Variants in ENOX1 observed in about 807,000 individuals in gnomAD.
ENOX1 encodes candidate growth-related and time keeping constitutive hydroquinone (NADH) oxidase.
Under a neutral mutation model 82.5 loss-of-function variants are expected in ENOX1, and 42 were observed. The ratio of observed to expected loss-of-function variants is 0.51; its 90% CI spans 0.40 to 0.66. ENOX1 has a LOEUF of 0.66. ENOX1 is among the 30% of genes least tolerant of loss of function. The probability of loss-of-function intolerance (pLI) is 0.00; values close to 1 mark genes in which losing one functional copy is unlikely to be tolerated. For missense variants in ENOX1, 608 were observed against 811.6 expected (o/e 0.75, Z 3.05); for synonymous variants, 271 against 282.2 (o/e 0.96, Z 0.40).
chr13:43,589,554 A>G (rs905501666), intron 2 of ENOX1, among the ~76,000 whole-genome samples: 6 of 152,292 alleles, frequency 3.9e-5, no homozygotes, highest in African/African-American at 1.4e-4. Flanking sequence ...CACCCAGGCT[A>G]AATTGCAATG....
At chr13:43,776,299 T>C (rs1951914449) in intron 1 of ENOX1, among the ~76,000 whole-genome samples, 1 of 152,240 alleles carries the variant, frequency 6.6e-6, no homozygotes, top group South Asian at 2.1e-4. Context: ...ATTGCCAAGT[T>C]GACAAACATG....
chr13:43,771,860 G>A (rs751709767), intron 1 of ENOX1, among the ~76,000 whole-genome samples: 52 of 151,372 alleles, frequency 3.4e-4, no homozygotes, highest in Admixed American at 7.9e-4. Flanking sequence ...CACCTTCCGG[G>A]TTCACGCCAT....
At chr13:43,676,474 A>G (rs2085514721) in intron 1 of ENOX1, among the ~76,000 whole-genome samples, 1 of 152,120 alleles carries the variant, frequency 6.6e-6, no homozygotes, top group South Asian at 2.1e-4. Context: ...CCCACCTCAA[A>G]TTTAGAAGTC....
intron 2 of ENOX1, among the ~76,000 whole-genome samples, chr13:43,556,921 T>A (rs1157983495): frequency 6.6e-6 from 1 of 152,188 alleles, no homozygotes; most frequent in Admixed American, 6.5e-5. Flanking sequence ...GGGAAGGGAC[T>A]AGGGGAGAGG....
At chr13:43,601,407 A>T (rs888509758) in intron 2 of ENOX1, among the ~76,000 whole-genome samples, 3 of 152,066 alleles carry the variant, frequency 2.0e-5, no homozygotes, top group African/African-American at 7.2e-5. Flanking sequence ...TGAAGAATAC[A>T]TTATAGTCTC....
At chr13:43,626,105 T>C (rs1363659366) in intron 2 of ENOX1, among the ~76,000 whole-genome samples, 1 of 151,870 alleles carries the variant, frequency 6.6e-6, no homozygotes, top group Non-Finnish European at 1.5e-5. Flanking sequence ...CCATTTCTTC[T>C]AAGTTGTCAA....
chr13:43,707,731 C>CAAAA (rs1379285097), intron 1 of ENOX1, among the ~76,000 whole-genome samples: 43 of 49,216 alleles, frequency 8.7e-4, no homozygotes, highest in Non-Finnish European at 1.3e-3. Context: ...GACTCTGTCT[C>CAAAA]AAAAAAAAAA....
chr13:43,433,056 T>C (rs569591750), intron 3 of ENOX1, among the ~76,000 whole-genome samples: 1 of 152,288 alleles, frequency 6.6e-6, no homozygotes, highest in South Asian at 2.1e-4. Context: ...TCTTAGTCTG[T>C]TTAGGGTTGC....
At chr13:43,782,400 A>G (rs1952329266) in intron 1 of ENOX1, among the ~76,000 whole-genome samples, 1 of 151,762 alleles carries the variant, frequency 6.6e-6, no homozygotes, top group Non-Finnish European at 1.5e-5. Flanking sequence ...AGTGGAAAAT[A>G]GATTTTTTTT....
At chr13:43,486,398 C>T (rs552363772) in intron 2 of ENOX1, among the ~76,000 whole-genome samples, 1 of 151,740 alleles carries the variant, frequency 6.6e-6, no homozygotes, top group Non-Finnish European at 1.5e-5. Context: ...AAAACAAAGA[C>T]AAAAACAAAC....
In ENOX1 at chr13:43,519,270, C is replaced by T. The variant is rs117385868; in HGVS notation, c.-218-35118G>A. Among the ~76,000 whole-genome samples the T allele has an allele frequency of 1.4e-4, 21 of 152,286 alleles. No individual in the cohort carries two copies. The East Asian group carries it at 2.9e-3, about 21-fold the overall frequency. On this transcript the variant is annotated intron_variant, in intron 2 of 16. Transcript: ENST00000690772. The stretch of plus-strand genomic sequence containing the variant: ...TTGAGTTAAATAACATTATGGAATA[C>T]ATGCTTGTGTTTCTCCCAATCTCAC...
chr13:43,449,493 C>A (rs551233446), intron 3 of ENOX1, among the ~76,000 whole-genome samples: 1 of 152,196 alleles, frequency 6.6e-6, no homozygotes, highest in Non-Finnish European at 1.5e-5. Context: ...AACTGATGAT[C>A]ATAAAACAAT....
intron 3 of ENOX1, among the ~76,000 whole-genome samples, chr13:43,424,087 T>TAC (rs2055144335): frequency 6.6e-6 from 1 of 152,192 alleles, no homozygotes; most frequent in African/African-American, 2.4e-5. Flanking sequence ...CTATAAACCA[T>TAC]ACACATGGCA....
chr13:43,780,636 C>A (rs983425018), intron 1 of ENOX1, among the ~76,000 whole-genome samples: 8 of 152,214 alleles, frequency 5.3e-5, no homozygotes, highest in Non-Finnish European at 1.2e-4. Context: ...TACCTCCTCC[C>A]TCACAAAGAT....
chr13:43,733,187 T>A (rs2089439371), intron 1 of ENOX1, among the ~76,000 whole-genome samples: 1 of 152,106 alleles, frequency 6.6e-6, no homozygotes, highest in South Asian at 2.1e-4. Flanking sequence ...ATATAAGGAT[T>A]TCATAAATTC....
chr13:43,237,072 A>G (rs1231576284), intron 14 of ENOX1, among the ~76,000 whole-genome samples: 1 of 152,232 alleles, frequency 6.6e-6, no homozygotes, highest in East Asian at 1.9e-4. Flanking sequence ...GTTTTATTTC[A>G]AAGATGAATA....
chr13:43,734,512 G>A (rs988644628), intron 1 of ENOX1, among the ~76,000 whole-genome samples: 10 of 152,166 alleles, frequency 6.6e-5, no homozygotes, highest in Admixed American at 5.9e-4. Flanking sequence ...AAACTGCTGA[G>A]GTCATCCTGC....
chr13:43,762,648 C>G (rs111404381), intron 1 of ENOX1, among the ~76,000 whole-genome samples: 42 of 152,224 alleles, frequency 2.8e-4, no homozygotes, highest in African/African-American at 9.6e-4. Context: ...TAATCTGGGA[C>G]AAGCACTCAC....
chr13:43,771,933 A>ATTTTTTTTTT (rs34718451), intron 1 of ENOX1, among the ~76,000 whole-genome samples: 1,378 of 100,780 alleles, frequency 0.014, no homozygotes, highest in Non-Finnish European at 0.016. Flanking sequence ...CGCCCGGCTA[A>ATTTTTTTTTT]TTTTTTTTTT....
Sources: allele counts gnomAD v4.1 joint callset (sites outside exome capture counted in the v4.1 genomes callset), GRCh38; gene constraint gnomAD v4.1.1; transcripts MANE v1.5; gene names NCBI Gene and HGNC (gene_info 2026-07-23, HGNC 2026-07-21).